KSR2: variants seen among roughly 807,000 people sequenced by gnomAD.
KSR2 encodes the protein kinase suppressor of ras 2.
KSR2 carries 25 observed loss-of-function variants against 107.8 expected under a neutral mutation model. The observed-to-expected ratio is 0.23, with a 90% confidence interval of 0.17 to 0.32. The LOEUF (loss-of-function observed/expected upper bound fraction) is 0.32. Ranked by LOEUF, KSR2 falls within the 10% of genes least tolerant of loss-of-function variation. The probability of loss-of-function intolerance (pLI) is 1.00; values close to 1 mark genes in which losing one functional copy is unlikely to be tolerated. For synonymous variants in KSR2, 480 were observed against 507.0 expected (o/e 0.95, Z 0.71); for missense variants, 887 against 1,268.9 (o/e 0.70, Z 4.57).
In KSR2 at chr12:117,934,986, C is replaced by G. The variant is rs200588494; in HGVS notation, c.180+33090G>C. On this transcript the variant is annotated intron_variant, in intron 1 of 19. Coordinates refer to ENST00000339824, the MANE Select transcript of KSR2 (RefSeq NM_173598.6). ...AACCACAGGCATGCACCACCACACC[C>G]AGCTAATTTTTAAAAATTTTTTGTA... Among the ~76,000 whole-genome samples, 32 of 151,884 alleles carry G rather than the reference C, an allele frequency of 2.1e-4. No homozygotes were observed. The East Asian group carries it at 5.8e-3, about 28-fold the overall frequency.
intron 4 of KSR2, among the ~76,000 whole-genome samples, chr12:117,753,299 G>A (rs572925415): frequency 6.6e-6 from 1 of 152,258 alleles, no homozygotes; most frequent in South Asian, 2.1e-4. Context: ...TTTACATACG[G>A]TGGCTCCTTG....
intron 14 of KSR2, among the ~76,000 whole-genome samples, chr12:117,490,116 G>A (rs1323056409): frequency 1.3e-5 from 2 of 152,174 alleles, no homozygotes; most frequent in African/African-American, 2.4e-5. Context: ...TAGAGGACCA[G>A]CTCGTGGATG....
At chr12:117,497,451 T>G (rs1873099399) in intron 14 of KSR2, among the ~76,000 whole-genome samples, 1 of 152,134 alleles carries the variant, frequency 6.6e-6, no homozygotes. Flanking sequence ...TGTGACAACT[T>G]CTAGCATAAT....
At chr12:117,666,380 C>G (rs1483291631) in intron 5 of KSR2, among the ~76,000 whole-genome samples, 2 of 152,130 alleles carry the variant, frequency 1.3e-5, no homozygotes, top group African/African-American at 4.8e-5. Context: ...GAAGGAAACC[C>G]CATATTTAGA....
intron 1 of KSR2, among the ~76,000 whole-genome samples, chr12:117,936,837 C>A (rs180781111): frequency 1.3e-5 from 2 of 152,280 alleles, no homozygotes; most frequent in African/African-American, 4.8e-5. Context: ...CGGCACATGG[C>A]AGGTGCCCCA....
intron 5 of KSR2, among the ~76,000 whole-genome samples, chr12:117,619,153 A>G (rs563357684): frequency 3.9e-5 from 6 of 152,162 alleles, no homozygotes; most frequent in African/African-American, 1.2e-4. Context: ...CTGGTGCAAT[A>G]GCTCTTTCCT....
intron 3 of KSR2, among the ~76,000 whole-genome samples, chr12:117,823,385 G>A (rs1891633054): frequency 6.6e-6 from 1 of 152,132 alleles, no homozygotes; most frequent in Admixed American, 6.6e-5. Context: ...ATGAGAACTA[G>A]GCAGATTTGA....
intron 4 of KSR2, among the ~76,000 whole-genome samples, chr12:117,739,021 A>C (rs568183872): frequency 2.6e-5 from 4 of 152,338 alleles, no homozygotes; most frequent in African/African-American, 9.6e-5. Flanking sequence ...TGTAGACTTT[A>C]TAAACACTGC....
intron 4 of KSR2, among the ~76,000 whole-genome samples, chr12:117,705,181 T>C (rs1886474848): frequency 1.3e-5 from 2 of 152,030 alleles, no homozygotes; most frequent in South Asian, 2.1e-4. Flanking sequence ...TGAGAGCTGA[T>C]AAGATGCCCA....
intron 7 of KSR2, among the ~76,000 whole-genome samples, chr12:117,573,096 TA>T (rs1330686438): frequency 6.6e-6 from 1 of 152,202 alleles, no homozygotes; most frequent in Non-Finnish European, 1.5e-5. Flanking sequence ...TTCGGAGTCT[TA>T]ATTTCCTATT....
chr12:117,600,759 C>A (rs1880894944), intron 5 of KSR2, among the ~76,000 whole-genome samples: 1 of 152,190 alleles, frequency 6.6e-6, no homozygotes, highest in South Asian at 2.1e-4. Flanking sequence ...CCAAACCCCA[C>A]TCAAAGCTTC....
chr12:117,754,001 T>TGTGTGTGTG (rs1888702483), intron 4 of KSR2, among the ~76,000 whole-genome samples: 3 of 132,802 alleles, frequency 2.3e-5, no homozygotes, highest in Admixed American at 7.8e-5. Flanking sequence ...TGTGTGTGTG[T>TGTGTGTGTG]TTTAGGAATG....
At chr12:117,699,470 C>T (rs979521998) in intron 4 of KSR2, among the ~76,000 whole-genome samples, 5 of 152,176 alleles carry the variant, frequency 3.3e-5, no homozygotes, top group South Asian at 2.1e-4. Context: ...GCCTACTACA[C>T]ACCTGGGTGA....
chr12:117,850,207 T>C (rs1892868153), intron 3 of KSR2, among the ~76,000 whole-genome samples: 1 of 152,064 alleles, frequency 6.6e-6, no homozygotes, highest in Admixed American at 6.5e-5. Context: ...TTTTCAGAGG[T>C]AGGGAGGGGC....
intron 1 of KSR2, among the ~76,000 whole-genome samples, chr12:117,915,196 T>C (rs913170239): frequency 1.3e-5 from 2 of 152,214 alleles, no homozygotes; most frequent in East Asian, 1.9e-4. Flanking sequence ...ACAACAGAAA[T>C]TTATTTCTCA....
chr12:117,581,896 C>CCTGTGCTAAGCA (rs58921759), intron 6 of KSR2, among the ~76,000 whole-genome samples: 138,979 of 152,092 alleles, frequency 0.91, 63,722 homozygotes, highest in East Asian at 0.99. Context: ...TGTGCCAGGC[C>CCTGTGCTAAGCA]CTTTACAAAT....
At chr12:117,646,074 A>C (rs1193112445) in intron 5 of KSR2, among the ~76,000 whole-genome samples, 1 of 152,192 alleles carries the variant, frequency 6.6e-6, no homozygotes. Flanking sequence ...TACATTACTT[A>C]TGATACCTAA....
intron 5 of KSR2, among the ~76,000 whole-genome samples, chr12:117,585,006 G>A (rs1879904485): frequency 6.6e-6 from 1 of 152,242 alleles, no homozygotes; most frequent in African/African-American, 2.4e-5. Flanking sequence ...TCCCCCTAGG[G>A]GATATCTGGC....
chr12:117,819,256 C>T (rs753246047), intron 3 of KSR2, among the ~76,000 whole-genome samples: 2 of 152,086 alleles, frequency 1.3e-5, no homozygotes, highest in Non-Finnish European at 1.5e-5. Flanking sequence ...GAGGAAGTTC[C>T]CCGTCACTGC....
Sources: allele counts gnomAD v4.1 joint callset (sites outside exome capture counted in the v4.1 genomes callset), GRCh38; gene constraint gnomAD v4.1.1; transcripts MANE v1.5; gene names NCBI Gene and HGNC (gene_info 2026-07-23, HGNC 2026-07-21).